The following NEK5 variants were observed in gnomAD, a reference collection of about 807,000 sequenced individuals.
NEK5 encodes the protein NIMA related kinase 5.
A neutral mutation model predicts 109.2 loss-of-function variants in NEK5; 88 were observed. The observed-to-expected ratio is 0.81, with a 90% CI of 0.68 to 0.96. The LOEUF (loss-of-function observed/expected upper bound fraction) is 0.96, where lower values mean the gene tolerates loss of function less well. NEK5 is among the 40% of genes least tolerant of loss of function. The probability of loss-of-function intolerance (pLI) is 0.00; values close to 1 mark genes in which losing one functional copy is unlikely to be tolerated. For missense variants in NEK5, 834 were observed against 920.7 expected, an observed-to-expected ratio of 0.91 and a Z score of 1.22; for synonymous variants, 283 against 299.9, an observed-to-expected ratio of 0.94 and a Z score of 0.58.
At chr13:52,070,326 T>G (rs1019721638) in intron 20 of NEK5, among the ~76,000 whole-genome samples, 22 of 151,518 alleles carry the variant, frequency 1.5e-4, no homozygotes, top group African/African-American at 4.8e-4. Context: ...GCAGGTATTA[T>G]CCAAAAAAAA....
Position 52,036,911 on chromosome 13 carries a change from T to A in NEK5, c.*37A>T. 2.1e-6 allele frequency: 2 copies of A among 940,522 alleles called. No homozygotes were observed. Among genetic ancestry groups the A allele is most frequent in the Non-Finnish European group, 2.5e-6 (2 of 789,052 alleles). The allele number at this position is 940,522 out of a possible 1,614,324, so 58.3% of individuals were successfully genotyped here. ...GTACCCAAATAAATACTATAGGTAA[T>A]AGACACTAACTTATTACTTAAGAAA... On this transcript the variant is annotated 3_prime_UTR_variant, in exon 24 of 24. Coordinates refer to ENST00000684899, the MANE Select transcript of NEK5 (RefSeq NM_001365552.1).
At chr13:52,070,957 A>C (rs1954774397) in intron 20 of NEK5, among the ~76,000 whole-genome samples, 1 of 152,204 alleles carries the variant, frequency 6.6e-6, no homozygotes, top group Non-Finnish European at 1.5e-5. Context: ...GGTGAAACTG[A>C]GATTCAGTGT....
At chr13:52,126,766 G>C (rs571396894) in intron 3 of NEK5, among the ~76,000 whole-genome samples, 1 of 152,236 alleles carries the variant, frequency 6.6e-6, no homozygotes, top group South Asian at 2.1e-4. Flanking sequence ...GTGACAGAGC[G>C]AGACTCCGTC....
intron 14 of NEK5, among the ~76,000 whole-genome samples, chr13:52,088,039 G>A (rs553984453): frequency 1.1e-4 from 16 of 145,548 alleles, no homozygotes; most frequent in African/African-American, 2.3e-4. Context: ...GCAATCCTCC[G>A]GCCTCAGCCC....
intron 23 of NEK5, among the ~76,000 whole-genome samples, chr13:52,043,864 T>C (rs1954434933): frequency 6.6e-6 from 1 of 152,198 alleles, no homozygotes; most frequent in South Asian, 2.1e-4. Context: ...AATAACCACT[T>C]TGGAAAACAG....
At chr13:52,064,884 A>G (rs966739412) in intron 21 of NEK5, 9 of 264,470 alleles carry the variant, frequency 3.4e-5, no homozygotes, top group African/African-American at 7.0e-5. Flanking sequence ...GATTAAGGGC[A>G]GTGCAAGATG....
At chr13:52,103,316 A>C (rs2138017633) in intron 9 of NEK5, among the ~76,000 whole-genome samples, 1 of 152,342 alleles carries the variant, frequency 6.6e-6, no homozygotes, top group South Asian at 2.1e-4. Context: ...CTGTAATCCC[A>C]GCTCCTCGGG....
intron 22 of NEK5, among the ~76,000 whole-genome samples, chr13:52,057,284 T>G (rs12877974): frequency 0.021 from 3,131 of 151,416 alleles, 75 homozygotes; most frequent in Admixed American, 0.081. Context: ...AATAACAGGA[T>G]CTGAAATTGT....
chr13:52,056,806 A>C (rs963773837), intron 22 of NEK5, among the ~76,000 whole-genome samples: 2 of 151,782 alleles, frequency 1.3e-5, no homozygotes, highest in Non-Finnish European at 3.0e-5. Context: ...CAGTGTGTAG[A>C]GGGAAATTTA....
At chr13:52,101,450 G>C (rs1422786620) in intron 11 of NEK5, among the ~76,000 whole-genome samples, 1 of 152,032 alleles carries the variant, frequency 6.6e-6, no homozygotes, top group African/African-American at 2.4e-5. Context: ...AATATCTCCT[G>C]CCTTCTTTGG....
chr13:52,127,046 A>C (rs1364017153), intron 3 of NEK5, among the ~76,000 whole-genome samples: 1 of 152,084 alleles, frequency 6.6e-6, no homozygotes, highest in Non-Finnish European at 1.5e-5. Context: ...TTCTATTTTC[A>C]TTAAAAAAAT....
At chr13:52,073,003 G>A (rs986497851) in intron 19 of NEK5, among the ~76,000 whole-genome samples, 1 of 152,104 alleles carries the variant, frequency 6.6e-6, no homozygotes, top group Admixed American at 6.6e-5. Flanking sequence ...CCTTGCTGTG[G>A]CAAGGAGAGC....
chr13:52,057,643 T>C (rs1288560458), intron 22 of NEK5, among the ~76,000 whole-genome samples: 1 of 152,110 alleles, frequency 6.6e-6, no homozygotes, highest in Non-Finnish European at 1.5e-5. Flanking sequence ...GCTGGTTCAA[T>C]AATATACGCA....
chr13:52,106,785 T>C (rs2138040505), intron 8 of NEK5, among the ~76,000 whole-genome samples: 1 of 152,052 alleles, frequency 6.6e-6, no homozygotes, highest in African/African-American at 2.4e-5. Flanking sequence ...AAAAAATTAT[T>C]GCTGAGAACC....
At chr13:52,128,542 G>A (rs895931255) in intron 1 of NEK5, among the ~76,000 whole-genome samples, 19 of 152,278 alleles carry the variant, frequency 1.2e-4, no homozygotes, top group African/African-American at 4.6e-4. Flanking sequence ...TGAGCAGGGG[G>A]CTTGTTTTCG....
chr13:52,059,720 C>T (rs1314311880), intron 22 of NEK5, among the ~76,000 whole-genome samples: 2 of 151,466 alleles, frequency 1.3e-5, no homozygotes, highest in African/African-American at 2.4e-5. Context: ...AACCAAACAC[C>T]GCATATTCTC....
At chr13:52,116,494 A>T (rs1391398577) in intron 4 of NEK5, among the ~76,000 whole-genome samples, 1 of 152,128 alleles carries the variant, frequency 6.6e-6, no homozygotes, top group Non-Finnish European at 1.5e-5. Flanking sequence ...AATTAACCCA[A>T]TTGCAAGTAA....
At chr13:52,092,918 A>G in intron 13 of NEK5, 136 bp downstream of exon 13, 2 of 609,744 alleles carry the variant, frequency 3.3e-6, no homozygotes, top group South Asian at 2.8e-5. Flanking sequence ...CAAGGGAACT[A>G]TGTGTTTAAA....
intron 21 of NEK5, among the ~76,000 whole-genome samples, chr13:52,064,437 G>A (rs1449570401): frequency 4.8e-5 from 7 of 144,792 alleles, no homozygotes; most frequent in African/African-American, 1.0e-4. Flanking sequence ...CACCCCGTCC[G>A]GGAGGGAGGT....
Sources: allele counts gnomAD v4.1 joint callset (sites outside exome capture counted in the v4.1 genomes callset), GRCh38; gene constraint gnomAD v4.1.1; transcripts MANE v1.5; gene names NCBI Gene and HGNC (gene_info 2026-07-23, HGNC 2026-07-21).